MGA: variants seen among roughly 807,000 people sequenced by gnomAD.
MGA encodes MAX dimerization protein MGA, also known as MAX gene-associated protein.
Under a neutral mutation model 261.1 loss-of-function variants are expected in MGA, and 40 were observed. The observed-to-expected ratio is 0.15, with a 90% CI of 0.12 to 0.20. The LOEUF (loss-of-function observed/expected upper bound fraction) is 0.20. MGA is among the 10% of genes least tolerant of loss of function. The pLI is 1.00. For synonymous variants in MGA, 1,302 were observed against 1,290.6 expected, an observed-to-expected ratio of 1.01 and a Z score of -0.19; for missense variants, 3,397 against 3,630.5, an observed-to-expected ratio of 0.94 and a Z score of 1.65.
intron 2 of MGA, among the ~76,000 whole-genome samples, chr15:41,690,994 G>GTTTTTTTTT (rs386382831): frequency 9.6e-6 from 1 of 104,346 alleles, no homozygotes; most frequent in African/African-American, 3.7e-5. Context: ...AGATTGCTTT[G>GTTTTTTTTT]TTTTTTTTTT....
At chr15:41,651,663 T>C (rs374265897) in intron 1 of MGA, among the ~76,000 whole-genome samples, 8 of 26,290 alleles carry the variant, frequency 3.0e-4, no homozygotes, top group Admixed American at 1.0e-3. Context: ...CCCTTCCCCC[T>C]TCTCCTCCCC....
upstream of MGA, among the ~76,000 whole-genome samples, chr15:41,656,247 A>G (rs888517048): frequency 2.6e-5 from 4 of 151,840 alleles, no homozygotes; most frequent in African/African-American, 7.3e-5. Flanking sequence ...ATCTGGGGCA[A>G]TCTTCTTAGG....
chr15:41,761,306 A>G (rs1273242092), intron 20 of MGA, among the ~76,000 whole-genome samples: 1 of 152,260 alleles, frequency 6.6e-6, no homozygotes, highest in Non-Finnish European at 1.5e-5. Context: ...TGCATGTAGA[A>G]TATCTAAAGT....
At chr15:41,726,728 C>CAAAAAA (rs71108124) in intron 9 of MGA, among the ~76,000 whole-genome samples, 1 of 129,888 alleles carries the variant, frequency 7.7e-6, no homozygotes, top group Non-Finnish European at 1.7e-5. Context: ...GACTCTGTCT[C>CAAAAAA]AAAAAAAAAA....
intron 1 of MGA, among the ~76,000 whole-genome samples, chr15:41,625,756 A>G (rs1276413271): frequency 6.6e-6 from 1 of 152,168 alleles, no homozygotes; most frequent in Non-Finnish European, 1.5e-5. Context: ...CGGTGCCTTT[A>G]TAGAGGGGGG....
At chr15:41,720,356 C>T (rs2060875919) in intron 9 of MGA, among the ~76,000 whole-genome samples, 1 of 152,022 alleles carries the variant, frequency 6.6e-6, no homozygotes, top group African/African-American at 2.4e-5. Context: ...AGCAACATAG[C>T]AATACTTCCA....
Position 41,767,516 on chromosome 15 carries a change from C to CT in MGA, c.*237dup, listed in dbSNP as rs1176563342. 5 of 545,826 alleles carry CT rather than the reference C, an allele frequency of 9.2e-6. No homozygotes were observed. Among genetic ancestry groups the CT allele is most frequent in the East Asian group, 8.9e-5 (3 of 33,744 alleles). The allele number at this position is 545,826 out of a possible 1,614,324, so 33.8% of individuals were successfully genotyped here. A position where few individuals can be genotyped will look rare whatever the true frequency, so the allele number is the denominator to read the frequency against. ...GTGGTGCTGGGTCCCCTCATCCTCT[C>CT]TAAGAAGATGTGATCCATTACTGAA... On this transcript the variant is annotated 3_prime_UTR_variant, in exon 24 of 24. Coordinates refer to ENST00000219905, the MANE Select transcript of MGA (RefSeq NM_001164273.2).
At chr15:41,629,823 T>C (rs1033010717) in intron 1 of MGA, among the ~76,000 whole-genome samples, 4 of 152,164 alleles carry the variant, frequency 2.6e-5, no homozygotes, top group Non-Finnish European at 4.4e-5. Context: ...ACTACTGATA[T>C]CATAGAGTGG....
chr15:41,767,013 C>T lies in MGA; in HGVS notation c.8931C>T (p.Asn2977=). The stretch of plus-strand genomic sequence containing the variant: ...TGAAGACTGGCTTGGAGAACAGCAA[C>T]AGCACAGACACTTTGTGGAGGCCTA... Residue 2977 remains asparagine (N), a synonymous_variant, in exon 24 of 24, where the codon AAC becomes AAT. Transcript: ENST00000219905. 1 of 1,614,004 alleles carries T rather than the reference C, an allele frequency of 6.2e-7. No individual in the cohort carries two copies.
intron 5 of MGA, among the ~76,000 whole-genome samples, chr15:41,703,792 A>G (rs939381384): frequency 6.6e-6 from 1 of 152,082 alleles, no homozygotes; most frequent in Non-Finnish European, 1.5e-5. Flanking sequence ...GTCAGTTTTA[A>G]TGTTTTGTTT....
Position 41,749,899 on chromosome 15 carries a change from G to C in MGA, c.6292G>C (p.Val2098Leu). The C allele has an allele frequency of 6.2e-7, 1 of 1,613,942 alleles. No homozygotes were observed. The highest frequency in any genetic ancestry group is 8.5e-7 in the Non-Finnish European group (1 of 1,179,888). The change falls in exon 17 of 24, where the codon GTC (valine) becomes CTC (leucine). Residue 2098 changes from valine (V) to leucine (L), a missense_variant. By Grantham distance (32) the Val-to-Leu change is conservative. Transcript: ENST00000219905. ...TTCTGAAAAAGCCAGTAATAAGACAGTCCAAAATTTAAGTAAAGTACAGCA... is the reference window on the plus strand; with the variant it reads ...TTCTGAAAAAGCCAGTAATAAGACACTCCAAAATTTAAGTAAAGTACAGCA...
At chr15:41,710,636 G>T in intron 7 of MGA, 55 bp from the exon 8 acceptor site, 1 of 1,467,894 alleles carries the variant, frequency 6.8e-7, no homozygotes, top group Admixed American at 2.4e-5. Flanking sequence ...TTTTTATGGA[G>T]ATTCATAAAT....
rs2061188047 is a variant in MGA, at chr15:41,725,662, C to T, written c.3431-1518C>T. On this transcript the variant is annotated intron_variant, in intron 9 of 23. Transcript: ENST00000219905. ...TCCCGGCTAAAAAACGGTGAAACCC[C>T]GTCTCTACTAAAAATACAAAAAATT... Among the ~76,000 whole-genome samples, 2 of 24,198 alleles carry T rather than the reference C, an allele frequency of 8.3e-5. 1 individual carries two copies. Among genetic ancestry groups the T allele is most frequent in the Non-Finnish European group, 2.1e-4 (2 of 9,698 alleles). The allele number at this position is 24,198 out of a possible 152,430, so 15.9% of individuals were successfully genotyped here. A position where few individuals can be genotyped will look rare whatever the true frequency, so the allele number is the denominator to read the frequency against.
chr15:41,687,567 A>G (rs2059035901), intron 2 of MGA, among the ~76,000 whole-genome samples: 1 of 152,150 alleles, frequency 6.6e-6, no homozygotes, highest in South Asian at 2.1e-4. Flanking sequence ...TTTCATTTGT[A>G]TGTATTTTAA....
chr15:41,725,951 G>T (rs1171433050), intron 9 of MGA, among the ~76,000 whole-genome samples: 1 of 151,162 alleles, frequency 6.6e-6, no homozygotes, highest in Non-Finnish European at 1.5e-5. Context: ...ATTTTCCTTT[G>T]TGCACATTTT....
At chr15:41,653,778 C>A (rs1165155409) in intron 1 of MGA, among the ~76,000 whole-genome samples, 1 of 151,920 alleles carries the variant, frequency 6.6e-6, no homozygotes, top group Non-Finnish European at 1.5e-5. Context: ...AAGTTTCCCC[C>A]ACCTTTTTTC....
In MGA at chr15:41,729,291, C is replaced by T. The variant is rs1451955188; in HGVS notation, c.3785C>T (p.Pro1262Leu). ...CCATCTTCCTCCTCCTCCCCATCTC[C>T]ATCATTTCAGCAGCAAACTTCATGT... Residue 1262 changes from proline to leucine, a missense_variant, in exon 11 of 24, where the codon CCA (proline) becomes CTA (leucine). Physicochemically the swap from Pro to Leu is moderately conservative, Grantham distance 98 (BLOSUM62 -3). This residue lies in a region of MGA where 1,410 missense variants were observed against 1,386.4 expected (regional missense o/e 1.02). Transcript: ENST00000219905. 10 of 1,613,804 alleles carry T rather than the reference C, an allele frequency of 6.2e-6. No homozygotes were observed. Among genetic ancestry groups the T allele is most frequent in the Admixed American group, 3.3e-5 (2 of 60,002 alleles).
chr15:41,732,443 C>T (rs991527575), intron 11 of MGA, among the ~76,000 whole-genome samples: 9 of 152,176 alleles, frequency 5.9e-5, no homozygotes, highest in African/African-American at 1.7e-4. Context: ...CCACCGTGCC[C>T]GGCCTGTTAT....
rs2151921908 is a variant in MGA at position 41,750,459 on chromosome 15, G to T, written c.6852G>T (p.Lys2284Asn). ...TACCTGGAGAACAGATACAACCAAA[G>T]CAAGAGAAGAAGGGTGGGAGAAGCA... The change falls in exon 17 of 24, where the codon AAG (lysine) becomes AAT (asparagine). Residue 2284 changes from lysine to asparagine, a missense_variant. Coordinates refer to ENST00000219905, the MANE Select transcript of MGA (RefSeq NM_001164273.2). 1 of 1,613,966 alleles carries T rather than the reference G, an allele frequency of 6.2e-7. No individual in the cohort carries two copies. Among genetic ancestry groups the T allele is most frequent in the East Asian group, 2.2e-5 (1 of 44,876 alleles).
Sources: allele counts gnomAD v4.1 joint callset (sites outside exome capture counted in the v4.1 genomes callset), GRCh38; gene constraint gnomAD v4.1.1; regional missense constraint gnomAD v4.1.1; transcripts MANE v1.5; gene names NCBI Gene and HGNC (gene_info 2026-07-23, HGNC 2026-07-21).